MYO18A: variants seen among roughly 807,000 people sequenced by gnomAD.
MYO18A encodes myosin XVIIIA.
MYO18A carries 78 observed loss-of-function variants against 235.8 expected under a neutral mutation model. The observed-to-expected ratio is 0.33, with a 90% CI of 0.28 to 0.40. The LOEUF (loss-of-function observed/expected upper bound fraction) is 0.40. Ranked by LOEUF, MYO18A falls within the 10% of genes least tolerant of loss-of-function variation. MYO18A has a pLI of 1.00. For missense variants in MYO18A, 2,215 were observed against 2,699.3 expected, an observed-to-expected ratio of 0.82 and a Z score of 3.98; for synonymous variants, 977 against 1,077.8, an observed-to-expected ratio of 0.91 and a Z score of 1.83.
In MYO18A at chr17:29,109,736, A is replaced by G; in HGVS notation, c.3331+122T>C. 1 of 1,262,298 alleles carries G rather than the reference A, an allele frequency of 7.9e-7. No individual in the cohort carries two copies. Among genetic ancestry groups the G allele is most frequent in the African/African-American group, 1.5e-5 (1 of 66,924 alleles). 78.2% of individuals were successfully genotyped at this position (1,262,298 alleles called of 1,614,324 possible). A position where few individuals can be genotyped will look rare whatever the true frequency, so the allele number is the denominator to read the frequency against. Reference sequence around the variant, plus strand: ...GAGATGAGGAGAGACCAGAGCAGAAAGGATCGTGAGGAAAGACAGGAGCAG... The same window carrying G: ...GAGATGAGGAGAGACCAGAGCAGAAGGGATCGTGAGGAAAGACAGGAGCAG... On this transcript the variant is annotated intron_variant, in intron 19 of 41. Coordinates refer to ENST00000527372, the MANE Select transcript of MYO18A (RefSeq NM_078471.4). The surrounding 1 kb of genome is among the most constrained non-coding windows in gnomAD (Gnocchi z 4.1).
Position 29,077,334 on chromosome 17 carries a change from C to T in MYO18A, c.6021-2420G>A, listed in dbSNP as rs1234479396. 2.0e-5 allele frequency: 3 copies of T among 152,272 alleles called. No individual in the cohort carries two copies. The East Asian group carries it at 5.8e-4, about 29-fold the overall frequency. The allele number at this position is 152,272 out of a possible 1,614,324, so 9.4% of individuals were successfully genotyped here. ...TAAAAAAGCCTTCCTCCTCACAAGCCAGCGTCTCCTGCTCAGCACTGTCAC... is the reference window on the plus strand; with the variant it reads ...TAAAAAAGCCTTCCTCCTCACAAGCTAGCGTCTCCTGCTCAGCACTGTCAC... On this transcript the variant is annotated intron_variant, in intron 41 of 41. Coordinates refer to ENST00000527372, the MANE Select transcript of MYO18A (RefSeq NM_078471.4).
rs1011304116 is a variant in MYO18A at position 29,093,059 on chromosome 17, C to T, written c.4927-58G>A. The T allele has an allele frequency of 5.1e-6, 8 of 1,562,620 alleles. No homozygotes were observed. In the East Asian group the frequency reaches 1.6e-4, roughly 32 times the overall value. On this transcript the variant is annotated intron_variant, in intron 32 of 41. Coordinates refer to ENST00000527372, the MANE Select transcript of MYO18A (RefSeq NM_078471.4). Reference sequence around the variant, plus strand: ...TCTGCACAGGGCTTCCTCCTATCTTCCCCAAGCTCCCTCCTCACCACGTCC... The same window carrying T: ...TCTGCACAGGGCTTCCTCCTATCTTTCCCAAGCTCCCTCCTCACCACGTCC...
chr17:29,178,756 G>T (rs1188827803), intron 1 of MYO18A, among the ~76,000 whole-genome samples: 1 of 152,154 alleles, frequency 6.6e-6, no homozygotes, highest in Non-Finnish European at 1.5e-5. Context: ...GGAACATTAG[G>T]CCAGGCCTGT....
chr17:29,137,898 A>AT (rs916377447), intron 2 of MYO18A, among the ~76,000 whole-genome samples: 4 of 152,286 alleles, frequency 2.6e-5, no homozygotes, highest in South Asian at 4.1e-4. Context: ...CTTACTGCTT[A>AT]TTTTTATTGT....
intron 2 of MYO18A, chr17:29,128,110 C>T (rs935471485): frequency 3.8e-5 from 40 of 1,062,860 alleles, no homozygotes; most frequent in Middle Eastern, 4.5e-4. Context: ...TGCCCCTGCC[C>T]CGAGACATCA....
Position 29,109,725 on chromosome 17 carries a change from C to T in MYO18A, c.3331+133G>A, listed in dbSNP as rs1426133156. On this transcript the variant is annotated intron_variant, in intron 19 of 41. Transcript: ENST00000527372. The surrounding 1 kb of genome is among the most constrained non-coding windows in gnomAD (Gnocchi z 4.1). Reference sequence around the variant, plus strand: ...GTGGGCTGGGAGAGATGAGGAGAGACCAGAGCAGAAAGGATCGTGAGGAAA... The same window carrying T: ...GTGGGCTGGGAGAGATGAGGAGAGATCAGAGCAGAAAGGATCGTGAGGAAA... 1.4e-5 allele frequency: 17 copies of T among 1,179,882 alleles called. No homozygotes were observed. Among genetic ancestry groups the T allele is most frequent in the Non-Finnish European group, 1.9e-5 (16 of 840,414 alleles). The allele number at this position is 1,179,882 out of a possible 1,614,324, so 73.1% of individuals were successfully genotyped here.
chr17:29,135,714 G>A (rs181490062), intron 2 of MYO18A, among the ~76,000 whole-genome samples: 129 of 152,304 alleles, frequency 8.5e-4, no homozygotes, highest in African/African-American at 3.1e-3. Flanking sequence ...ACACAGATGT[G>A]GGGCTCTCCC....
chr17:29,130,811 G>A (rs1238399788), intron 2 of MYO18A, among the ~76,000 whole-genome samples: 2 of 151,992 alleles, frequency 1.3e-5, no homozygotes, highest in African/African-American at 4.8e-5. Flanking sequence ...GTTTATTCAG[G>A]GTCTCTATCC....
chr17:29,143,301 T>G (rs1366575039), intron 2 of MYO18A, among the ~76,000 whole-genome samples: 3 of 152,152 alleles, frequency 2.0e-5, no homozygotes. Context: ...GGCACTATCT[T>G]GGTTCCCTGA....
intron 38 of MYO18A, 101 bp downstream of exon 38, chr17:29,086,835 T>C (rs1478906425): frequency 2.0e-5 from 28 of 1,377,466 alleles, no homozygotes; most frequent in Non-Finnish European, 2.6e-5. Flanking sequence ...TCATGTGCAG[T>C]TTCTTTGCAC....
intron 2 of MYO18A, among the ~76,000 whole-genome samples, chr17:29,151,892 A>T (rs1211888693): frequency 3.3e-5 from 5 of 152,198 alleles, no homozygotes; most frequent in African/African-American, 4.8e-5. Flanking sequence ...TGAGGCCCAT[A>T]ACTGGACACC....
At chr17:29,146,259 AAAAAATAAAAT>A (rs1340079105) in intron 2 of MYO18A, among the ~76,000 whole-genome samples, 2 of 152,072 alleles carry the variant, frequency 1.3e-5, no homozygotes, top group Non-Finnish European at 1.5e-5. Context: ...CTCCATCTCA[AAAAAATAAAAT>A]AAAAATAAAA....
At chr17:29,130,397 C>A (rs2067437572) in intron 2 of MYO18A, among the ~76,000 whole-genome samples, 1 of 150,886 alleles carries the variant, frequency 6.6e-6, no homozygotes, top group Non-Finnish European at 1.5e-5. Flanking sequence ...GGCCATGGCA[C>A]TCTTCCAAGC....
intron 2 of MYO18A, among the ~76,000 whole-genome samples, chr17:29,149,249 C>T (rs2067918830): frequency 6.6e-6 from 1 of 152,258 alleles, no homozygotes; most frequent in African/African-American, 2.4e-5. Flanking sequence ...TATCACCGCT[C>T]TATCCCCAGA....
In MYO18A at chr17:29,126,077, A is replaced by G; in HGVS notation, c.1000-3824T>C. On this transcript the variant is annotated intron_variant, in intron 2 of 41. Transcript: ENST00000527372. This position sits in a 1 kb window ranked among gnomAD's most constrained non-coding sequence, Gnocchi z 4.1. ...CCCACTAGGGAAGGGGAGCAGCGCCAGGGAGCAAGCCGCGCGGCAATCTGA... is the reference window on the plus strand; with the variant it reads ...CCCACTAGGGAAGGGGAGCAGCGCCGGGGAGCAAGCCGCGCGGCAATCTGA... 1 of 453,188 alleles carries G rather than the reference A, an allele frequency of 2.2e-6. No individual in the cohort carries two copies. Among genetic ancestry groups the G allele is most frequent in the Non-Finnish European group, 2.9e-6 (1 of 342,714 alleles). 28.1% of individuals were successfully genotyped at this position (453,188 alleles called of 1,614,324 possible).
At chr17:29,087,260 C>A (rs1272062074) in intron 37 of MYO18A, 139 bp from the exon 38 acceptor site, 2 of 822,242 alleles carry the variant, frequency 2.4e-6, no homozygotes, top group Middle Eastern at 2.7e-4. Context: ...GGGCAAGCAA[C>A]CCCGAAGCTT....
chr17:29,163,669 A>G (rs2068220852), intron 2 of MYO18A, among the ~76,000 whole-genome samples: 1 of 152,228 alleles, frequency 6.6e-6, no homozygotes, highest in South Asian at 2.1e-4. Flanking sequence ...AGGGAAAGCT[A>G]GGAAAATCTG....
intron 2 of MYO18A, among the ~76,000 whole-genome samples, chr17:29,164,876 A>G (rs192164051): frequency 1.2e-3 from 182 of 152,326 alleles, no homozygotes; most frequent in African/African-American, 4.3e-3. Context: ...CTGGGGTCTC[A>G]GTGACAGTCA....
chr17:29,102,919 C>T (rs781412431), intron 21 of MYO18A, among the ~76,000 whole-genome samples: 36 of 152,334 alleles, frequency 2.4e-4, no homozygotes, highest in Admixed American at 9.1e-4. Flanking sequence ...ACTGGCCTCC[C>T]TTCCACCCTG....
Sources: gnomAD v4.1 joint callset for allele counts (sites outside exome capture counted in the v4.1 genomes callset) on GRCh38, gnomAD v4.1.1 for gene constraint, Gnocchi (gnomAD v3.1) non-coding constraint, MANE v1.5 for transcripts, NCBI Gene and HGNC (gene_info 2026-07-23, HGNC 2026-07-21) for gene names.